Variants in NOX4 observed in about 807,000 individuals in gnomAD.
NOX4 encodes the protein NADPH oxidase 4, also known as kidney oxidase-1.
In NOX4, 69 loss-of-function variants were observed where a neutral mutation model predicts 87.6. That is an observed-to-expected ratio of 0.79 (90% CI 0.65 to 0.96). The LOEUF (loss-of-function observed/expected upper bound fraction) is 0.96. NOX4 is among the 40% of genes least tolerant of loss of function. The pLI is 0.00. For synonymous variants in NOX4, 275 were observed against 238.2 expected, an observed-to-expected ratio of 1.15 and a Z score of -1.42; for missense variants, 680 against 681.5, an observed-to-expected ratio of 1.00 and a Z score of 0.02.
chr11:89,477,425 C>A (rs1946211831), intron 2 of NOX4, among the ~76,000 whole-genome samples: 2 of 152,106 alleles, frequency 1.3e-5, no homozygotes, highest in African/African-American at 4.8e-5. Flanking sequence ...TGAAGTTTTG[C>A]TTGCCTGCCA....
Position 89,467,725 on chromosome 11 carries a change from G to A in NOX4, c.154-15830C>T, listed in dbSNP as rs139811353. ...CCCAACACTATTGCCTTAAGGGTGA[G>A]GATTTCAACATATGAATTTTGGGGG... On this transcript the variant is annotated intron_variant, in intron 2 of 17. Transcript: ENST00000263317. Among the ~76,000 whole-genome samples the A allele has an allele frequency of 9.0e-3, 1,369 of 152,204 alleles. 74 individuals are homozygous for A. The highest frequency in any genetic ancestry group is 0.082 in the Admixed American group (1,256 of 15,276).
At chr11:89,507,740 C>A in the NOX4 span, among the ~76,000 whole-genome samples, 3 of 151,462 alleles carry the variant, frequency 2.0e-5, no homozygotes, top group Non-Finnish European at 4.4e-5. Context: ...TCTGCAGTAC[C>A]CAGCCTAGTA....
At chr11:89,372,957 C>T (rs937056445) in intron 12 of NOX4, among the ~76,000 whole-genome samples, 2 of 151,878 alleles carry the variant, frequency 1.3e-5, no homozygotes, top group African/African-American at 4.8e-5. Context: ...TAAAGTATCA[C>T]CAACAGGCCT....
At chr11:89,572,044 C>A in the NOX4 span, among the ~76,000 whole-genome samples, 2 of 152,180 alleles carry the variant, frequency 1.3e-5, no homozygotes, top group Admixed American at 6.5e-5. Flanking sequence ...CCTCCGCCCC[C>A]CTCAAGTAGT....
intron 8 of NOX4, among the ~76,000 whole-genome samples, chr11:89,402,955 A>G (rs1464951483): frequency 2.0e-5 from 3 of 152,216 alleles, no homozygotes; most frequent in African/African-American, 7.2e-5. Context: ...TACAGGGAAT[A>G]TATTTAACTT....
the NOX4 span, among the ~76,000 whole-genome samples, chr11:89,540,429 A>T: frequency 1.5e-4 from 23 of 150,128 alleles, no homozygotes; most frequent in East Asian, 1.6e-3. Context: ...TTCAAAAGCC[A>T]TTTTTTTTTC....
At chr11:89,516,151 T>G in the NOX4 span, among the ~76,000 whole-genome samples, 1 of 151,978 alleles carries the variant, frequency 6.6e-6, no homozygotes, top group Non-Finnish European at 1.5e-5. Context: ...TAAAAAAAAA[T>G]CAGAATCTTT....
At chr11:89,356,966 T>G (rs1448406802) in intron 12 of NOX4, among the ~76,000 whole-genome samples, 1 of 152,134 alleles carries the variant, frequency 6.6e-6, no homozygotes, top group Non-Finnish European at 1.5e-5. Context: ...CAGGCTTAGA[T>G]AGTATGCAAA....
At position 89,445,967 on chromosome 11, in the gene NOX4, C is replaced by T. The variant is rs115918151; in HGVS notation, c.350-1735G>A. Among the ~76,000 whole-genome samples, 1,348 of 151,956 alleles carry T rather than the reference C, an allele frequency of 8.9e-3. 17 individuals carry two copies. The highest frequency in any genetic ancestry group is 0.031 in the African/African-American group (1,300 of 41,456). On this transcript the variant is annotated intron_variant, in intron 4 of 17. Coordinates refer to ENST00000263317, the MANE Select transcript of NOX4 (RefSeq NM_016931.5). ...GAAAAAGCATTTGCAAAAGACATAT[C>T]GATAAAGGATTATTATCAAAATATA...
At chr11:89,489,013 GA>G (rs1354945916) in intron 2 of NOX4, 8 of 701,702 alleles carry the variant, frequency 1.1e-5, no homozygotes, top group Middle Eastern at 2.3e-4. Context: ...ATGGATGAAA[GA>G]AATAAATGAA....
the NOX4 span, among the ~76,000 whole-genome samples, chr11:89,580,758 A>T: frequency 6.6e-6 from 1 of 152,186 alleles, no homozygotes; most frequent in African/African-American, 2.4e-5. Flanking sequence ...AATCACCAAG[A>T]TATGGTTCCT....
intron 2 of NOX4, among the ~76,000 whole-genome samples, chr11:89,465,700 T>C (rs1945658776): frequency 6.6e-6 from 1 of 152,198 alleles, no homozygotes; most frequent in African/African-American, 2.4e-5. Context: ...TATCTCATTG[T>C]GGTTTTGATT....
intron 13 of NOX4, among the ~76,000 whole-genome samples, chr11:89,350,786 T>C (rs957387400): frequency 6.6e-6 from 1 of 152,216 alleles, no homozygotes; most frequent in Non-Finnish European, 1.5e-5. Flanking sequence ...TTATCTGCAA[T>C]GATGAATAAA....
chr11:89,330,603 A>G (rs2135362683), intron 17 of NOX4, among the ~76,000 whole-genome samples: 1 of 150,896 alleles, frequency 6.6e-6, no homozygotes, highest in South Asian at 2.1e-4. Context: ...TTCAGGAACC[A>G]ACAACCTAAA....
intron 5 of NOX4, among the ~76,000 whole-genome samples, chr11:89,441,951 A>G (rs1160690592): frequency 1.5e-5 from 2 of 132,410 alleles, no homozygotes; most frequent in Non-Finnish European, 1.5e-5. Flanking sequence ...TGTTGACTAT[A>G]TATATATATA....
intron 5 of NOX4, among the ~76,000 whole-genome samples, chr11:89,442,949 C>T (rs1322104773): frequency 6.6e-6 from 1 of 152,000 alleles, no homozygotes; most frequent in Admixed American, 6.6e-5. Context: ...CAGAGGGCAG[C>T]AGGAGAAAGG....
At chr11:89,536,816 T>G in the NOX4 span, among the ~76,000 whole-genome samples, 1 of 152,174 alleles carries the variant, frequency 6.6e-6, no homozygotes, top group African/African-American at 2.4e-5. Flanking sequence ...GAAAATAAGA[T>G]TTGGAGAGGT....
At chr11:89,493,044 A>G (rs1452916010), upstream of NOX4, among the ~76,000 whole-genome samples, 4 of 152,188 alleles carry the variant, frequency 2.6e-5, no homozygotes, top group Non-Finnish European at 5.9e-5. Context: ...ATCTCACTCC[A>G]TTCTCATAGT....
intron 11 of NOX4, among the ~76,000 whole-genome samples, chr11:89,375,262 TAA>T (rs1294928945): frequency 6.6e-6 from 1 of 152,194 alleles, no homozygotes; most frequent in Admixed American, 6.5e-5. Flanking sequence ...ATTTTATTTA[TAA>T]GTGTGATTCT....
Sources: allele counts gnomAD v4.1 joint callset (sites outside exome capture counted in the v4.1 genomes callset), GRCh38; gene constraint gnomAD v4.1.1; transcripts MANE v1.5; gene names NCBI Gene and HGNC (gene_info 2026-07-23, HGNC 2026-07-21).